Variants in BRCC3 observed in about 807,000 individuals in gnomAD.
The protein encoded by BRCC3 is BRCA1/BRCA2-containing complex subunit 3, also known as lys-63-specific deubiquitinase BRCC36.
Under a neutral mutation model 28.0 loss-of-function variants are expected in BRCC3, and 15 were observed. That is an observed-to-expected ratio of 0.54 (90% CI 0.36 to 0.82). BRCC3 has a LOEUF of 0.82. BRCC3 is among the 40% of genes least tolerant of loss of function. BRCC3 has a pLI of 0.01. For synonymous variants in BRCC3, 66 were observed against 80.3 expected (o/e 0.82, Z 0.95); for missense variants, 109 against 225.9 (o/e 0.48, Z 3.32).
chrX:155,091,430 C>G (rs184001176), intron 7 of BRCC3, among the ~76,000 whole-genome samples: 1 of 110,279 alleles, frequency 9.1e-6, no homozygotes, highest in African/African-American at 3.3e-5. Flanking sequence ...TACCACCACG[C>G]GCAGCTAATT....
At chrX:155,110,324 T>C (rs1336744218) in intron 7 of BRCC3, among the ~76,000 whole-genome samples, 1 of 111,430 alleles carries the variant, frequency 9.0e-6, no homozygotes, top group Non-Finnish European at 1.9e-5. Flanking sequence ...AGATTAGCAA[T>C]GTCAGTGTGG....
intron 7 of BRCC3, among the ~76,000 whole-genome samples, chrX:155,096,069 C>T (rs958523150): frequency 1.8e-5 from 2 of 111,797 alleles, no homozygotes; most frequent in African/African-American, 6.5e-5. Context: ...TATATCCATT[C>T]GATCAAATAT....
At position 155,106,660 on chromosome X, in the gene BRCC3, T is replaced by G. The variant is rs782352731; in HGVS notation, c.549-9397T>G. On this transcript the variant is annotated intron_variant, in intron 7 of 10. Transcript: ENST00000330045. ...CTTTTTTTGTACTGTCTTTATCAGGTTTAGGTATATATATTACACTTGCTT... is the reference window on the plus strand; with the variant it reads ...CTTTTTTTGTACTGTCTTTATCAGGGTTAGGTATATATATTACACTTGCTT... 3.6e-5 allele frequency among the ~76,000 whole-genome samples: 4 copies of G among 112,467 alleles called. No individual in the cohort carries two copies. In the South Asian group the frequency reaches 1.4e-3, roughly 41 times the overall value.
chrX:155,117,258 T>C (rs1374801777), intron 9 of BRCC3, among the ~76,000 whole-genome samples: 3 of 112,019 alleles, frequency 2.7e-5, no homozygotes, highest in Non-Finnish European at 1.9e-5. Flanking sequence ...GATACACAGA[T>C]AGAGAGATAA....
intron 7 of BRCC3, among the ~76,000 whole-genome samples, chrX:155,094,891 C>T (rs1248112593): frequency 8.9e-6 from 1 of 112,321 alleles, no homozygotes; most frequent in Non-Finnish European, 1.9e-5. Flanking sequence ...ATGTGAAGAA[C>T]TGAGAAAATT....
At position 155,078,602 on chromosome X, in the gene BRCC3, C is replaced by G. The variant is rs2074062911; in HGVS notation, c.316-14C>G. 2 of 1,178,554 alleles carry G rather than the reference C, an allele frequency of 1.7e-6. No individual in the cohort carries two copies. Among genetic ancestry groups the G allele is most frequent in the Non-Finnish European group, 1.1e-6 (1 of 872,399 alleles). On this transcript the variant is annotated splice_polypyrimidine_tract_variant and intron_variant, in intron 4 of 10. Coordinates refer to ENST00000330045, the MANE Select transcript of BRCC3 (RefSeq NM_001018055.3). Reference sequence around the variant, plus strand: ...TTTTGTTCCCACATTTTTAAAGTACCTTGACAGACACACAGGTTGGCTGAA... The same window carrying G: ...TTTTGTTCCCACATTTTTAAAGTACGTTGACAGACACACAGGTTGGCTGAA...
chrX:155,075,296 G>GAA (rs1557293389), intron 3 of BRCC3, among the ~76,000 whole-genome samples: 4,452 of 111,724 alleles, frequency 0.04, 100 homozygotes, highest in Non-Finnish European at 0.064. Flanking sequence ...TCTTTCCCCT[G>GAA]GCCCTTCTTG....
At chrX:155,088,965 T>A (rs1286485404) in intron 5 of BRCC3, among the ~76,000 whole-genome samples, 1 of 112,322 alleles carries the variant, frequency 8.9e-6, no homozygotes, top group Non-Finnish European at 1.9e-5. Context: ...CTCTCCTTTT[T>A]AATTTCTCTT....
At chrX:155,075,930 G>A (rs370695541) in intron 3 of BRCC3, among the ~76,000 whole-genome samples, 4 of 111,674 alleles carry the variant, frequency 3.6e-5, no homozygotes, top group African/African-American at 9.8e-5. Context: ...ACTTCCATTC[G>A]GCACCTGTAG....
At chrX:155,116,801 C>T (rs2074359648) in intron 9 of BRCC3, 47 bp downstream of exon 9, 1 of 946,101 alleles carries the variant, frequency 1.1e-6, no homozygotes, top group African/African-American at 1.9e-5. Context: ...GACTATTTCC[C>T]TGAAACACTC....
intron 3 of BRCC3, among the ~76,000 whole-genome samples, chrX:155,075,254 G>A (rs1569560397): frequency 1.9e-5 from 1 of 52,732 alleles, no homozygotes; most frequent in East Asian, 4.5e-4. Flanking sequence ...TTTCACCCTT[G>A]TCCCTTCAAC....
chrX:155,088,085 A>G (rs1557295156), intron 5 of BRCC3, among the ~76,000 whole-genome samples: 1 of 112,297 alleles, frequency 8.9e-6, no homozygotes, highest in East Asian at 2.8e-4. Flanking sequence ...ATGTTCTTTT[A>G]GCAATATTTT....
At chrX:155,079,620 T>C (rs1235241126) in intron 5 of BRCC3, among the ~76,000 whole-genome samples, 1 of 111,105 alleles carries the variant, frequency 9.0e-6, no homozygotes, top group Non-Finnish European at 1.9e-5. Flanking sequence ...TAATCTTTCC[T>C]AGACCCTAAC....
intron 5 of BRCC3, among the ~76,000 whole-genome samples, chrX:155,082,023 C>T (rs1395769715): frequency 1.8e-5 from 2 of 111,094 alleles, no homozygotes; most frequent in Non-Finnish European, 3.8e-5. Context: ...AAAATAAAAG[C>T]CTTGGGATTA....
intron 5 of BRCC3, among the ~76,000 whole-genome samples, chrX:155,079,856 G>A (rs964210190): frequency 9.0e-6 from 1 of 110,994 alleles, no homozygotes; most frequent in Non-Finnish European, 1.9e-5. Flanking sequence ...AGATTAAGTT[G>A]CAGACATGGT....
chrX:155,090,702 C>A, intron 6 of BRCC3, 82 bp from the exon 7 acceptor site: 1 of 739,371 alleles, frequency 1.4e-6, no homozygotes. Context: ...TAACATTCTG[C>A]TTCTAGAGGG....
intron 7 of BRCC3, among the ~76,000 whole-genome samples, chrX:155,109,568 T>C (rs1183524973): frequency 8.9e-6 from 1 of 112,064 alleles, no homozygotes; most frequent in Non-Finnish European, 1.9e-5. Context: ...ATTTTCCAGT[T>C]GGTACCGGTT....
intron 1 of BRCC3, 136 bp downstream of exon 1, chrX:155,071,786 C>A: frequency 2.7e-6 from 2 of 740,909 alleles, no homozygotes; most frequent in Non-Finnish European, 3.8e-6. Flanking sequence ...CTTTACATAG[C>A]TCTGTCGCGG....
At chrX:155,115,986 T>G in intron 7 of BRCC3, 71 bp from the exon 8 acceptor site, 1 of 1,065,459 alleles carries the variant, frequency 9.4e-7, no homozygotes, top group Non-Finnish European at 1.3e-6. Context: ...AACTTCCAAT[T>G]AAAACTGTAG....
Sources: allele counts gnomAD v4.1 joint callset (sites outside exome capture counted in the v4.1 genomes callset), GRCh38; gene constraint gnomAD v4.1.1; transcripts MANE v1.5; gene names NCBI Gene and HGNC (gene_info 2026-07-23, HGNC 2026-07-21).